CDH13: variants seen among roughly 807,000 people sequenced by gnomAD.
CDH13 encodes the protein cadherin 13, also known as cadherin-13.
CDH13 carries 24 observed loss-of-function variants against 63.8 expected under a neutral mutation model. The observed-to-expected ratio is 0.38, with a 90% CI of 0.27 to 0.53. The LOEUF (loss-of-function observed/expected upper bound fraction) is 0.53. CDH13 is among the 20% of genes least tolerant of loss of function. The probability of loss-of-function intolerance (pLI) is 0.85; values close to 1 mark genes in which losing one functional copy is unlikely to be tolerated. For missense variants in CDH13, 1,049 were observed against 903.1 expected, an observed-to-expected ratio of 1.16 and a Z score of -2.07; for synonymous variants, 503 against 355.3, an observed-to-expected ratio of 1.42 and a Z score of -4.67.
intron 1 of CDH13, among the ~76,000 whole-genome samples, chr16:82,794,040 G>A (rs1319788948): frequency 6.6e-6 from 1 of 152,054 alleles, no homozygotes; most frequent in Non-Finnish European, 1.5e-5. Flanking sequence ...AAAGGGAACT[G>A]GGGTATAACC....
intron 10 of CDH13, among the ~76,000 whole-genome samples, chr16:83,719,203 G>T (rs2150933651): frequency 6.6e-6 from 1 of 152,324 alleles, no homozygotes; most frequent in East Asian, 1.9e-4. Context: ...ATTTGACAAT[G>T]ACATTTGATT....
chr16:83,341,261 A>G (rs375384807), intron 5 of CDH13, among the ~76,000 whole-genome samples: 5 of 152,354 alleles, frequency 3.3e-5, no homozygotes, highest in African/African-American at 1.2e-4. Flanking sequence ...AATTAGGAAG[A>G]AAGAAGGCAG....
chr16:82,749,617 G>C (rs991705439), intron 1 of CDH13, among the ~76,000 whole-genome samples: 1 of 152,198 alleles, frequency 6.6e-6, no homozygotes, highest in African/African-American at 2.4e-5. Context: ...ATGTTCATGC[G>C]ATTGTTTTAA....
At chr16:82,680,812 A>G (rs1261350477) in intron 1 of CDH13, among the ~76,000 whole-genome samples, 2 of 152,200 alleles carry the variant, frequency 1.3e-5, no homozygotes, top group Admixed American at 6.5e-5. Context: ...AAGGGGGCCA[A>G]TGGAACCAGG....
At chr16:83,171,371 C>T (rs1361500678) in intron 4 of CDH13, 4 of 673,840 alleles carry the variant, frequency 5.9e-6, no homozygotes, top group African/African-American at 1.8e-5. Context: ...GATCCAGTCA[C>T]CTGCCACCAG....
At chr16:83,261,290 C>G (rs1354514674) in intron 5 of CDH13, among the ~76,000 whole-genome samples, 1 of 152,172 alleles carries the variant, frequency 6.6e-6, no homozygotes, top group Non-Finnish European at 1.5e-5. Context: ...CTGTGGAAAG[C>G]TCATTACCGA....
rs543767314 is a variant in CDH13, at chr16:82,807,204, T to C, written c.46-51158T>C. Among the ~76,000 whole-genome samples the C allele has an allele frequency of 3.3e-5, 5 of 151,914 alleles. No individual in the cohort carries two copies. In the South Asian group the frequency reaches 1.0e-3, roughly 32 times the overall value. Reference sequence around the variant, plus strand: ...GTCATATAAAAATGCAATGCAGCAATTGGCCAGATTGTTAAGTAACGTGCT... The same window carrying C: ...GTCATATAAAAATGCAATGCAGCAACTGGCCAGATTGTTAAGTAACGTGCT... On this transcript the variant is annotated intron_variant, in intron 1 of 13. Transcript: ENST00000567109.
At chr16:83,624,979 TC>T (rs1910152605) in intron 8 of CDH13, among the ~76,000 whole-genome samples, 1 of 152,206 alleles carries the variant, frequency 6.6e-6, no homozygotes, top group African/African-American at 2.4e-5. Context: ...TCTTGCCGGT[TC>T]TGCATGTGTG....
intron 7 of CDH13, among the ~76,000 whole-genome samples, chr16:83,499,863 C>G (rs1183768982): frequency 6.6e-6 from 1 of 152,100 alleles, no homozygotes; most frequent in Non-Finnish European, 1.5e-5. Context: ...AGTGCAATGG[C>G]ACGATCTCAG....
At chr16:83,016,521 G>T (rs1019432127) in intron 2 of CDH13, among the ~76,000 whole-genome samples, 5 of 152,172 alleles carry the variant, frequency 3.3e-5, no homozygotes, top group African/African-American at 1.2e-4. Flanking sequence ...GGTTAGGTCA[G>T]GAGAAAATTT....
chr16:83,482,073 C>A (rs555226962), intron 6 of CDH13, among the ~76,000 whole-genome samples: 14 of 152,180 alleles, frequency 9.2e-5, no homozygotes, highest in African/African-American at 3.4e-4. Flanking sequence ...ACCTCCAAGG[C>A]GCATTGAACA....
intron 7 of CDH13, among the ~76,000 whole-genome samples, chr16:83,493,917 A>G (rs2074076698): frequency 6.6e-6 from 1 of 152,158 alleles, no homozygotes; most frequent in Non-Finnish European, 1.5e-5. Flanking sequence ...CCTGATGGAG[A>G]TAAGAGCTGA....
At chr16:83,031,402 A>ACG (rs1567761985) in intron 2 of CDH13, among the ~76,000 whole-genome samples, 2 of 140,872 alleles carry the variant, frequency 1.4e-5, no homozygotes, top group African/African-American at 5.3e-5. Flanking sequence ...ATACATATAC[A>ACG]TGTATATGTA....
intron 5 of CDH13, among the ~76,000 whole-genome samples, chr16:83,245,877 G>A (rs1450033891): frequency 3.3e-5 from 5 of 152,046 alleles, no homozygotes; most frequent in South Asian, 2.1e-4. Context: ...TGAGTAGCCC[G>A]GACTACAGGC....
chr16:83,064,554 A>G (rs2031845127), intron 3 of CDH13, among the ~76,000 whole-genome samples: 1 of 152,206 alleles, frequency 6.6e-6, no homozygotes, highest in South Asian at 2.1e-4. Flanking sequence ...ATTATTATAT[A>G]ATGATCATTC....
intron 7 of CDH13, among the ~76,000 whole-genome samples, chr16:83,555,877 A>G (rs1227837216): frequency 6.6e-6 from 1 of 152,212 alleles, no homozygotes; most frequent in Non-Finnish European, 1.5e-5. Context: ...TCCATGCAAG[A>G]GTATTCCGTT....
intron 4 of CDH13, among the ~76,000 whole-genome samples, chr16:83,139,155 G>C (rs1567867971): frequency 6.6e-6 from 1 of 152,154 alleles, no homozygotes; most frequent in African/African-American, 2.4e-5. Flanking sequence ...CCTGCGTGCT[G>C]TATGTTGCAT....
Position 82,970,427 on chromosome 16 carries a change from C to T in CDH13, c.158-61583C>T, listed in dbSNP as rs1405789188. ...TTTTTTTTTGAGACGGAGTCTCGCT[C>T]TGTCGCCCAGGCCGGACTGCGGACT... is the stretch of plus-strand genomic sequence containing the variant. On this transcript the variant is annotated intron_variant, in intron 2 of 13. Transcript: ENST00000567109. Among the ~76,000 whole-genome samples the T allele has an allele frequency of 3.1e-4, 27 of 87,398 alleles. 2 individuals are homozygous for T. The highest frequency in any genetic ancestry group is 5.8e-4 in the Non-Finnish European group (25 of 43,320). The allele number at this position is 87,398 out of a possible 152,430, so 57.3% of individuals were successfully genotyped here.
chr16:82,727,559 C>T (rs2033167384), intron 1 of CDH13: 1 of 152,106 alleles, frequency 6.6e-6, no homozygotes, highest in African/African-American at 2.4e-5. Context: ...GTGGAAGCTG[C>T]TGAGATTTAA....
Sources: gnomAD v4.1 joint callset for allele counts (sites outside exome capture counted in the v4.1 genomes callset) on GRCh38, gnomAD v4.1.1 for gene constraint, MANE v1.5 for transcripts, NCBI Gene and HGNC (gene_info 2026-07-23, HGNC 2026-07-21) for gene names.